KLHL11: variants seen among roughly 807,000 people sequenced by gnomAD.
The protein encoded by KLHL11 is kelch like family member 11, also known as kelch-like protein 11.
Under a neutral mutation model 56.1 loss-of-function variants are expected in KLHL11, and 26 were observed. The observed-to-expected ratio is 0.46, with a 90% CI of 0.34 to 0.64. The LOEUF (loss-of-function observed/expected upper bound fraction) is 0.64, where lower values mean the gene tolerates loss of function less well. KLHL11 is among the 30% of genes least tolerant of loss of function. The pLI is 0.01. For synonymous variants in KLHL11, 338 were observed against 345.8 expected (o/e 0.98, Z 0.25); for missense variants, 627 against 919.4 (o/e 0.68, Z 4.11).
At chr17:41,863,471 C>A (rs2048417733) in intron 1 of KLHL11, among the ~76,000 whole-genome samples, 1 of 152,164 alleles carries the variant, frequency 6.6e-6, no homozygotes, top group East Asian at 1.9e-4. Flanking sequence ...GCTGAGATTA[C>A]AGGCGTGGGC....
chr17:41,856,161 T>G (rs566285266), intron 1 of KLHL11, among the ~76,000 whole-genome samples: 102 of 152,198 alleles, frequency 6.7e-4, no homozygotes, highest in Non-Finnish European at 1.3e-4. Flanking sequence ...CAGCTAATTT[T>G]TGTATTTTTA....
Position 41,851,793 on chromosome 17 carries a change from C to T in KLHL11, c.*1947G>A, listed in dbSNP as rs1231096543. ...GGGCGTGGTGGCGCGTGCCCATAGTCCCAGCTACTCCGTATGCTGAGGTGG... is the reference window on the plus strand; with the variant it reads ...GGGCGTGGTGGCGCGTGCCCATAGTTCCAGCTACTCCGTATGCTGAGGTGG... On this transcript the variant is annotated 3_prime_UTR_variant, in exon 2 of 2. Transcript: ENST00000319121. Among the ~76,000 whole-genome samples the T allele has an allele frequency of 4.6e-5, 7 of 151,564 alleles. No homozygotes were observed. Among genetic ancestry groups the T allele is most frequent in the African/African-American group, 1.7e-4 (7 of 41,220 alleles).
rs1404564241 is a variant in KLHL11, at chr17:41,849,628, C to G, written c.*4112G>C. 1.3e-5 allele frequency: 2 copies of G among 152,034 alleles called. No homozygotes were observed. 9.4% of individuals were successfully genotyped at this position (152,034 alleles called of 1,614,324 possible). The stretch of plus-strand genomic sequence containing the variant: ...GAAATACTATATAAAACCGGGTGAT[C>G]AAAACAAAACTTATGTCATGAATTT... On this transcript the variant is annotated 3_prime_UTR_variant, in exon 2 of 2. Coordinates refer to ENST00000319121, the MANE Select transcript of KLHL11 (RefSeq NM_018143.3).
intron 1 of KLHL11, among the ~76,000 whole-genome samples, chr17:41,856,532 A>G (rs1194982221): frequency 7.9e-5 from 12 of 152,068 alleles, no homozygotes; most frequent in Non-Finnish European, 1.8e-4. Flanking sequence ...AACAACAGCA[A>G]CAACAACAAC....
rs1415070351 is a variant in KLHL11, at chr17:41,851,945, C to T, written c.*1795G>A. 6.6e-6 allele frequency among the ~76,000 whole-genome samples: 1 copy of T among 151,450 alleles called. No homozygotes were observed. The highest frequency in any genetic ancestry group is 1.9e-4 in the East Asian group (1 of 5,182). On this transcript the variant is annotated 3_prime_UTR_variant, in exon 2 of 2. Transcript: ENST00000319121. Reference sequence around the variant, plus strand: ...AAAAAAAAAAAAGTCAATTTGAGTGCTAACTTTTATAAAGCTCAGGAGACA... The same window carrying T: ...AAAAAAAAAAAAGTCAATTTGAGTGTTAACTTTTATAAAGCTCAGGAGACA...
chr17:41,858,408 T>TTTGTTGTTGTTG (rs1172871961), intron 1 of KLHL11, among the ~76,000 whole-genome samples: 3 of 144,046 alleles, frequency 2.1e-5, no homozygotes. Flanking sequence ...ATATATATTT[T>TTTGTTGTTGTTG]TTGTTGTTGT....
At chr17:41,855,377 G>GTTAT in intron 1 of KLHL11, 56 bp from the exon 2 acceptor site, 1 of 1,366,090 alleles carries the variant, frequency 7.3e-7, no homozygotes, top group Admixed American at 2.3e-5. Context: ...ATTTTATGTG[G>GTTAT]TTACTTTTTT....
intron 1 of KLHL11, among the ~76,000 whole-genome samples, chr17:41,856,553 A>C (rs549873980): frequency 2.0e-5 from 3 of 152,260 alleles, no homozygotes; most frequent in Non-Finnish European, 1.5e-5. Flanking sequence ...AACAACAAAA[A>C]ACACCACCAA....
chr17:41,860,383 T>C (rs1269206655), intron 1 of KLHL11, among the ~76,000 whole-genome samples: 3 of 136,802 alleles, frequency 2.2e-5, no homozygotes, highest in African/African-American at 8.2e-5. Context: ...TCAACAGACA[T>C]ATGTACTTAG....
rs1555622240 is a variant in KLHL11 at position 41,854,155 on chromosome 17, A to G, written c.1712T>C (p.Leu571Ser). ...TASCCPKSYC[L>S]ENEEAVRKIA... ...TTTTCTTACTGCCTCTTCGTTTTCT[A>G]AACAATAACTCTTGGGACAACATGA... is the stretch of plus-strand genomic sequence containing the variant. The change falls in exon 2 of 2, where the codon TTA (leucine) becomes TCA (serine). Residue 571 changes from leucine to serine, a missense_variant. This residue lies in a region of KLHL11 where 250 missense variants were observed against 360.6 expected (regional missense o/e 0.69). Coordinates refer to ENST00000319121, the MANE Select transcript of KLHL11 (RefSeq NM_018143.3). The surrounding 1 kb of genome is among the most constrained non-coding windows in gnomAD (Gnocchi z 4.9). The G allele has an allele frequency of 6.2e-7, 1 of 1,613,996 alleles. No individual in the cohort carries two copies. Among genetic ancestry groups the G allele is most frequent in the African/African-American group, 1.3e-5 (1 of 74,890 alleles).
Position 41,854,317 on chromosome 17 carries a change from T to G in KLHL11, c.1550A>C (p.Glu517Ala). The change falls in exon 2 of 2, where the codon GAA (glutamate) becomes GCA (alanine). Residue 517 changes from glutamate (E) to alanine (A), a missense_variant. This residue lies in a region of KLHL11 where 250 missense variants were observed against 360.6 expected (regional missense o/e 0.69). Transcript: ENST00000319121. The surrounding 1 kb of genome is among the most constrained non-coding windows in gnomAD (Gnocchi z 4.9). ...AARTPVDRDT[E>A]DGLKAVITCY... ...AGTAATTACAGCCTTTAATCCATCT[T>G]CAGTGTCCCGGTCTACAGGAGTGCG... 6.2e-7 allele frequency: 1 copy of G among 1,614,190 alleles called. No individual in the cohort carries two copies. Among genetic ancestry groups the G allele is most frequent in the Non-Finnish European group, 8.5e-7 (1 of 1,180,028 alleles).
At chr17:41,863,688 T>TA (rs2048419192) in intron 1 of KLHL11, among the ~76,000 whole-genome samples, 1 of 152,150 alleles carries the variant, frequency 6.6e-6, no homozygotes, top group Non-Finnish European at 1.5e-5. Flanking sequence ...ATCCCTTTGA[T>TA]ACAGCCACAC....
In KLHL11 at chr17:41,858,405, T is replaced by TA. The variant is rs144099618; in HGVS notation, c.546-3085_546-3084insT. Among the ~76,000 whole-genome samples the TA allele has an allele frequency of 4.3e-3, 213 of 49,082 alleles. 3 individuals are homozygous for TA. The highest frequency in any genetic ancestry group is 0.015 in the East Asian group (15 of 972). 32.2% of individuals were successfully genotyped at this position (49,082 alleles called of 152,430 possible). On this transcript the variant is annotated intron_variant, in intron 1 of 1. Transcript: ENST00000319121. ...CCAAACCCAGATATATATATATATATTTTTTGTTGTTGTTGTTGTTGTTGT... is the reference window on the plus strand; with the variant it reads ...CCAAACCCAGATATATATATATATATATTTTTGTTGTTGTTGTTGTTGTTGT...
rs1349106231 is a variant in KLHL11, at chr17:41,850,378, C to G, written c.*3362G>C. 2.0e-5 allele frequency: 3 copies of G among 152,138 alleles called. No individual in the cohort carries two copies. The highest frequency in any genetic ancestry group is 7.2e-5 in the African/African-American group (3 of 41,424). The allele number at this position is 152,138 out of a possible 1,614,324, so 9.4% of individuals were successfully genotyped here. On this transcript the variant is annotated 3_prime_UTR_variant, in exon 2 of 2. Coordinates refer to ENST00000319121, the MANE Select transcript of KLHL11 (RefSeq NM_018143.3). ...TAAGTTAAAAAACAACAGTTTCAATCAAGGTTTTAAAACCAGATTATGCCT... is the reference window on the plus strand; with the variant it reads ...TAAGTTAAAAAACAACAGTTTCAATGAAGGTTTTAAAACCAGATTATGCCT...
Position 41,861,531 on chromosome 17 carries a change from CA to C in KLHL11, c.545+3294del, listed in dbSNP as rs201926503. Reference sequence around the variant, plus strand: ...TGAAACCCCATCTCTACTAAAAATACAAAAATTAGCCGAGCGTGCTGGCAGA... The same window carrying C: ...TGAAACCCCATCTCTACTAAAAATACAAAATTAGCCGAGCGTGCTGGCAGA... On this transcript the variant is annotated intron_variant, in intron 1 of 1. Coordinates refer to ENST00000319121, the MANE Select transcript of KLHL11 (RefSeq NM_018143.3). Among the ~76,000 whole-genome samples, 62 of 151,962 alleles carry C rather than the reference CA, an allele frequency of 4.1e-4. 1 individual carries two copies. In the East Asian group the frequency reaches 0.011, roughly 27 times the overall value.
chr17:41,850,323 T>G lies in KLHL11; in HGVS notation c.*3417A>C, dbSNP rs534877974. On this transcript the variant is annotated 3_prime_UTR_variant, in exon 2 of 2. Coordinates refer to ENST00000319121, the MANE Select transcript of KLHL11 (RefSeq NM_018143.3). Reference sequence around the variant, plus strand: ...CATCATGCAATGAAGGACTTACCCCTTCTTTTCAGCCATGGCCTAGGCTGC... The same window carrying G: ...CATCATGCAATGAAGGACTTACCCCGTCTTTTCAGCCATGGCCTAGGCTGC... 1.3e-5 allele frequency: 2 copies of G among 152,314 alleles called. No homozygotes were observed. Among genetic ancestry groups the G allele is most frequent in the South Asian group, 4.1e-4 (2 of 4,826 alleles). The allele number at this position is 152,314 out of a possible 1,614,324, so 9.4% of individuals were successfully genotyped here.
intron 1 of KLHL11, among the ~76,000 whole-genome samples, chr17:41,859,425 C>T (rs1212585020): frequency 6.6e-6 from 1 of 151,826 alleles, no homozygotes; most frequent in Non-Finnish European, 1.5e-5. Context: ...ATTAGCTGGG[C>T]GTGGTGGCAG....
rs1186907980 is a variant in KLHL11 at position 41,852,393 on chromosome 17, AACT to A, written c.*1344_*1346del. Among the ~76,000 whole-genome samples, 4 of 152,196 alleles carry A rather than the reference AACT, an allele frequency of 2.6e-5. No individual in the cohort carries two copies. The highest frequency in any genetic ancestry group is 9.6e-5 in the African/African-American group (4 of 41,452). On this transcript the variant is annotated 3_prime_UTR_variant, in exon 2 of 2. Transcript: ENST00000319121. Reference sequence around the variant, plus strand: ...CAGGCAAAGTTTGAAAGTGTGGGGCAACTGGATAAAATATAACAATCAGAAATA... The same window carrying A: ...CAGGCAAAGTTTGAAAGTGTGGGGCAGGATAAAATATAACAATCAGAAATA...
rs1246378807 is a variant in KLHL11 at position 41,849,929 on chromosome 17, C to G, written c.*3811G>C. On this transcript the variant is annotated 3_prime_UTR_variant, in exon 2 of 2. Coordinates refer to ENST00000319121, the MANE Select transcript of KLHL11 (RefSeq NM_018143.3). Reference sequence around the variant, plus strand: ...GTATAATAACTTCCTCTCTCTTCTACAAACAAAAGCAAAAGCAACAAAACA... The same window carrying G: ...GTATAATAACTTCCTCTCTCTTCTAGAAACAAAAGCAAAAGCAACAAAACA... 2 of 152,148 alleles carry G rather than the reference C, an allele frequency of 1.3e-5. No homozygotes were observed. Among genetic ancestry groups the G allele is most frequent in the East Asian group, 3.8e-4 (2 of 5,202 alleles). 9.4% of individuals were successfully genotyped at this position (152,148 alleles called of 1,614,324 possible). A position where few individuals can be genotyped will look rare whatever the true frequency, so the allele number is the denominator to read the frequency against.
Sources: gnomAD v4.1 joint callset for allele counts (sites outside exome capture counted in the v4.1 genomes callset) on GRCh38, gnomAD v4.1.1 for gene constraint, gnomAD v4.1.1 regional missense constraint, Gnocchi (gnomAD v3.1) non-coding constraint, MANE v1.5 for transcripts, NCBI Gene and HGNC (gene_info 2026-07-23, HGNC 2026-07-21) for gene names.